HDAC10: variants seen among roughly 807,000 people sequenced by gnomAD.
The protein encoded by HDAC10 is histone deacetylase 10.
Under a neutral mutation model 82.3 loss-of-function variants are expected in HDAC10, and 90 were observed. The observed-to-expected ratio is 1.09, with a 90% CI of 0.92 to 1.30. The LOEUF is 1.30. Ranked by LOEUF, HDAC10 falls within the 50% of genes most tolerant of loss-of-function variation. The pLI is 0.00. For missense variants in HDAC10, 934 were observed against 876.3 expected (o/e 1.07, Z -0.83); for synonymous variants, 456 against 391.7 (o/e 1.16, Z -1.94).
rs1208981817 is a variant in HDAC10, at chr22:50,248,914, A to T, written c.757-24T>A. 3 of 1,605,956 alleles carry T rather than the reference A, an allele frequency of 1.9e-6. No homozygotes were observed. Among genetic ancestry groups the T allele is most frequent in the Non-Finnish European group, 2.5e-6 (3 of 1,176,820 alleles). ...AACTACAGGCCAGGCCGGAGTGGGG[A>T]GGGTCGACAGAGAGGGGCTGGAGCC... On this transcript the variant is annotated intron_variant, in intron 8 of 19. Transcript: ENST00000216271. The surrounding 1 kb of genome is among the most constrained non-coding windows in gnomAD (Gnocchi z 5.4).
Position 50,245,252 on chromosome 22 carries a change from A to C in HDAC10, c.*255T>G. The C allele has an allele frequency of 1.7e-6, 1 of 587,296 alleles. No homozygotes were observed. Among genetic ancestry groups the C allele is most frequent in the Admixed American group, 3.0e-5 (1 of 32,932 alleles). The allele number at this position is 587,296 out of a possible 1,614,324, so 36.4% of individuals were successfully genotyped here. On this transcript the variant is annotated 3_prime_UTR_variant, in exon 20 of 20. Transcript: ENST00000216271. The stretch of plus-strand genomic sequence containing the variant: ...AAGCGCAGCGGGGCGCAGGGGCCGG[A>C]ACGGGACCGAGCGTGGGTTGCATGG...
At position 50,245,734 on chromosome 22, in the gene HDAC10, C is replaced by T. The variant is rs746314631; in HGVS notation, c.1927G>A (p.Asp643Asn). Residue 643 changes from aspartate (D) to asparagine (N), a missense_variant, in exon 19 of 20, where the codon GAC (aspartate) becomes AAC (asparagine). By Grantham distance (23) the Asp-to-Asn change is conservative. Coordinates refer to ENST00000216271, the MANE Select transcript of HDAC10 (RefSeq NM_032019.6). The stretch of plus-strand genomic sequence containing the variant: ...CTCAGGTACATCAGGGCCTGGACGT[C>T]CTCTGGGGAGGCCACAGAGGAAGGG... ...LGPSSVASPE[D>N]VQALMYLRGQ... The T allele has an allele frequency of 9.3e-6, 15 of 1,612,884 alleles. No individual in the cohort carries two copies. The highest frequency in any genetic ancestry group is 1.3e-5 in the Non-Finnish European group (15 of 1,179,804).
intron 17 of HDAC10, 41 bp from the exon 18 acceptor site, chr22:50,246,133 C>G: frequency 1.9e-6 from 3 of 1,568,796 alleles, no homozygotes; most frequent in Non-Finnish European, 1.7e-6. Flanking sequence ...CTACGGACAC[C>G]TGCTGGCTCT....
chr22:50,249,792 C>G lies in HDAC10; in HGVS notation c.494+68G>C. 6.2e-7 allele frequency: 1 copy of G among 1,603,704 alleles called. No individual in the cohort carries two copies. The highest frequency in any genetic ancestry group is 8.5e-7 in the Non-Finnish European group (1 of 1,173,744). On this transcript the variant is annotated intron_variant, in intron 5 of 19. Transcript: ENST00000216271. This position sits in a 1 kb window ranked among gnomAD's most constrained non-coding sequence, Gnocchi z 4.4. ...GATGGGAAGGTGCTGGCTGGGTTCT[C>G]TCGCCTCCTGCGCTGCCCCTTGCTG...
chr22:50,250,129 C>T lies in HDAC10; in HGVS notation c.323G>A (p.Gly108Glu), dbSNP rs2065050822. Residue 108 changes from glycine to glutamate, a missense_variant, in exon 4 of 20, where the codon GGG becomes GAG. Physicochemically the swap from Gly to Glu is moderately conservative, Grantham distance 98. Coordinates refer to ENST00000216271, the MANE Select transcript of HDAC10 (RefSeq NM_032019.6). Reference protein sequence around the residue: ...STFHCARLAAGAGLQLVDAVL... With the variant: ...STFHCARLAAEAGLQLVDAVL... ...AGCGTCCACCAGCTGCAGTCCAGCC[C>T]CTGCGGCCAGCCGCGCGCAGTGAAA... is the stretch of plus-strand genomic sequence containing the variant. 1 of 1,612,692 alleles carries T rather than the reference C, an allele frequency of 6.2e-7. No homozygotes were observed. The highest frequency in any genetic ancestry group is 8.5e-7 in the Non-Finnish European group (1 of 1,179,952).
chr22:50,250,778 C>G lies in HDAC10; in HGVS notation c.187G>C (p.Val63Leu), dbSNP rs2065071945. The change falls in exon 2 of 20, where the codon GTG becomes CTG. Residue 63 changes from valine (V) to leucine (L), a missense_variant. Transcript: ENST00000216271. Reference sequence around the variant, plus strand: ...GCCTGCCCCCGTCCTGACCTGTGCACCAGGCCCAGCTCCTCTTCCGAGGCC... The same window carrying G: ...GCCTGCCCCCGTCCTGACCTGTGCAGCAGGCCCAGCTCCTCTTCCGAGGCC... The part of the protein sequence containing the change: ...REASEEELGL[V>L]HSPEYVSLVR... 1.9e-6 allele frequency: 3 copies of G among 1,598,006 alleles called. No homozygotes were observed. The highest frequency in any genetic ancestry group is 2.6e-6 in the Non-Finnish European group (3 of 1,173,428).
In HDAC10 at chr22:50,248,529, C is replaced by T. The variant is rs1012762757; in HGVS notation, c.907-57G>A. The T allele has an allele frequency of 1.9e-5, 30 of 1,540,020 alleles. No individual in the cohort carries two copies. The highest frequency in any genetic ancestry group is 4.8e-5 in the East Asian group (2 of 42,050). On this transcript the variant is annotated intron_variant, in intron 10 of 19. Coordinates refer to ENST00000216271, the MANE Select transcript of HDAC10 (RefSeq NM_032019.6). This position sits in a 1 kb window ranked among gnomAD's most constrained non-coding sequence, Gnocchi z 5.4. Reference sequence around the variant, plus strand: ...GAGATATCACTGGGATGGGATGTCACCGGGAGAGCCCCTGCCTGGCTCTAT... The same window carrying T: ...GAGATATCACTGGGATGGGATGTCATCGGGAGAGCCCCTGCCTGGCTCTAT...
intron 15 of HDAC10, 33 bp from the exon 16 acceptor site, chr22:50,246,768 C>T: frequency 8.1e-6 from 13 of 1,611,848 alleles, no homozygotes; most frequent in Non-Finnish European, 1.1e-5. Flanking sequence ...GACAGGTGTT[C>T]ATGTTGTCCA....
intron 16 of HDAC10, 23 bp downstream of exon 16, chr22:50,246,656 T>C (rs1295722949): frequency 6.2e-7 from 1 of 1,607,954 alleles, no homozygotes; most frequent in South Asian, 1.1e-5. Flanking sequence ...TGGCTGGACA[T>C]ATGCAAGACC....
In HDAC10 at chr22:50,248,644, T is replaced by C. The variant is rs762039312; in HGVS notation, c.906+18A>G. 37 of 1,486,232 alleles carry C rather than the reference T, an allele frequency of 2.5e-5. No individual in the cohort carries two copies. The highest frequency in any genetic ancestry group is 2.7e-6 in the Non-Finnish European group (3 of 1,115,932). 92.1% of individuals were successfully genotyped at this position (1,486,232 alleles called of 1,614,324 possible). A position where few individuals can be genotyped will look rare whatever the true frequency, so the allele number is the denominator to read the frequency against. On this transcript the variant is annotated intron_variant, in intron 10 of 19. Transcript: ENST00000216271. The surrounding 1 kb of genome is among the most constrained non-coding windows in gnomAD (Gnocchi z 5.4). ...GCCTCTGGCCCAGAGACCCTCCCTG[T>C]GTGCCCTCCCCAGTCACCTCCAGCA...
Position 50,245,268 on chromosome 22 carries a change from G to T in HDAC10, c.*239C>A. The T allele has an allele frequency of 1.7e-6, 1 of 599,812 alleles. No homozygotes were observed. Among genetic ancestry groups the T allele is most frequent in the Non-Finnish European group, 3.0e-6 (1 of 336,864 alleles). The allele number at this position is 599,812 out of a possible 1,614,324, so 37.2% of individuals were successfully genotyped here. A position where few individuals can be genotyped will look rare whatever the true frequency, so the allele number is the denominator to read the frequency against. On this transcript the variant is annotated 3_prime_UTR_variant, in exon 20 of 20. Transcript: ENST00000216271. ...AGGGGCCGGAACGGGACCGAGCGTGGGTTGCATGGGCCTCGATGGGACGGG... is the reference window on the plus strand; with the variant it reads ...AGGGGCCGGAACGGGACCGAGCGTGTGTTGCATGGGCCTCGATGGGACGGG...
chr22:50,247,666 C>T (rs1231709885), intron 14 of HDAC10, 26 bp downstream of exon 14: 3 of 1,527,532 alleles, frequency 2.0e-6, no homozygotes, highest in Non-Finnish European at 2.7e-6. Flanking sequence ...TCCACAGCAT[C>T]CCCAACCCCT....
In HDAC10 at chr22:50,247,195, G is replaced by A. The variant is rs1026412361; in HGVS notation, c.1423-229C>T. On this transcript the variant is annotated intron_variant, in intron 14 of 19. Coordinates refer to ENST00000216271, the MANE Select transcript of HDAC10 (RefSeq NM_032019.6). The stretch of plus-strand genomic sequence containing the variant: ...CGTTCTGTAGCCAGGCTGGCGTGCA[G>A]TGGCGCAATTGTAGCTCACCACAGC... 2.5e-5 allele frequency: 11 copies of A among 440,614 alleles called. No individual in the cohort carries two copies. The South Asian group carries it at 2.6e-4, about 11-fold the overall frequency. The allele number at this position is 440,614 out of a possible 1,614,324, so 27.3% of individuals were successfully genotyped here.
intron 14 of HDAC10, 149 bp downstream of exon 14, chr22:50,247,543 C>A (rs973710458): frequency 1.3e-5 from 8 of 608,818 alleles, no homozygotes; most frequent in Non-Finnish European, 1.7e-5. Flanking sequence ...TGGGGCTGTT[C>A]TGGGAACAGT....
chr22:50,247,861 A>T, intron 13 of HDAC10, 29 bp downstream of exon 13: 2 of 1,611,918 alleles, frequency 1.2e-6, no homozygotes, highest in Non-Finnish European at 1.7e-6. Context: ...ATGCGGCCCC[A>T]TCCTTCTCCC....
intron 3 of HDAC10, 69 bp downstream of exon 3, chr22:50,250,358 C>G: frequency 6.8e-7 from 1 of 1,473,892 alleles, no homozygotes; most frequent in Non-Finnish European, 9.5e-7. Flanking sequence ...GGTTGGCGGC[C>G]GTGGCTGTGA....
chr22:50,246,860 C>T lies in HDAC10; in HGVS notation c.1514+15G>A. 6.2e-7 allele frequency: 1 copy of T among 1,606,622 alleles called. No homozygotes were observed. The highest frequency in any genetic ancestry group is 8.5e-7 in the Non-Finnish European group (1 of 1,174,698). ...TCCTGCCGTCAGAGGCTCAGGATGGCCAAGTGAGGCTTACCTCTGGGCTCC... is the reference window on the plus strand; with the variant it reads ...TCCTGCCGTCAGAGGCTCAGGATGGTCAAGTGAGGCTTACCTCTGGGCTCC... On this transcript the variant is annotated intron_variant, in intron 15 of 19. Transcript: ENST00000216271.
At chr22:50,246,785 A>G in intron 15 of HDAC10, 50 bp from the exon 16 acceptor site, 1 of 1,606,550 alleles carries the variant, frequency 6.2e-7, no homozygotes, top group Non-Finnish European at 8.5e-7. Context: ...TCCAGAGTCC[A>G]TTCCCAGAAC....
In HDAC10 at chr22:50,250,531, C is replaced by A; in HGVS notation, c.195-8G>T. ...AGGGATACATACTCTGGGCTGCATG[C>A]AGATGGGCAGGCAGGAGAGGCAGGG... On this transcript the variant is annotated splice_polypyrimidine_tract_variant and splice_region_variant and intron_variant, in intron 2 of 19. Coordinates refer to ENST00000216271, the MANE Select transcript of HDAC10 (RefSeq NM_032019.6). 6.2e-7 allele frequency: 1 copy of A among 1,607,192 alleles called. No individual in the cohort carries two copies. The highest frequency in any genetic ancestry group is 1.1e-5 in the South Asian group (1 of 90,976).
Sources: allele counts gnomAD v4.1 joint callset, GRCh38; gene constraint gnomAD v4.1.1; non-coding constraint Gnocchi (gnomAD v3.1); transcripts MANE v1.5; gene names NCBI Gene and HGNC (gene_info 2026-07-23, HGNC 2026-07-21).